TMEM132D: variants seen among roughly 807,000 people sequenced by gnomAD.
The protein encoded by TMEM132D is mature OL transmembrane protein.
In TMEM132D, 21 loss-of-function variants were observed where a neutral mutation model predicts 62.3. That is an observed-to-expected ratio of 0.34 (90% CI 0.24 to 0.49). The LOEUF (loss-of-function observed/expected upper bound fraction) is 0.49. Among genes scored for constraint, TMEM132D ranks in the 20% least tolerant of loss-of-function variants. The pLI is 0.99. For missense variants in TMEM132D, 1,346 were observed against 1,402.8 expected, an observed-to-expected ratio of 0.96 and a Z score of 0.65; for synonymous variants, 621 against 575.6, an observed-to-expected ratio of 1.08 and a Z score of -1.13.
intron 3 of TMEM132D, among the ~76,000 whole-genome samples, chr12:129,493,802 T>G (rs1367441356): frequency 6.6e-6 from 1 of 152,208 alleles, no homozygotes. Context: ...CTTCAGAGCA[T>G]GAATTCTTCA....
chr12:129,826,381 T>G (rs1872665550), intron 1 of TMEM132D, among the ~76,000 whole-genome samples: 1 of 152,184 alleles, frequency 6.6e-6, no homozygotes, highest in African/African-American at 2.4e-5. Flanking sequence ...ACATAGCTGA[T>G]TTCTTGACAG....
intron 1 of TMEM132D, among the ~76,000 whole-genome samples, chr12:129,838,672 C>A (rs1037662857): frequency 6.6e-6 from 1 of 152,122 alleles, no homozygotes; most frequent in African/African-American, 2.4e-5. Flanking sequence ...AATACCCTAA[C>A]ATTGAAAAAT....
intron 3 of TMEM132D, among the ~76,000 whole-genome samples, chr12:129,355,777 C>G (rs1393297455): frequency 6.6e-6 from 1 of 152,166 alleles, no homozygotes; most frequent in Admixed American, 6.5e-5. Context: ...CTGCAACTTT[C>G]CTTGATGACT....
chr12:129,600,539 G>A (rs190653121), intron 2 of TMEM132D, among the ~76,000 whole-genome samples: 1 of 152,192 alleles, frequency 6.6e-6, no homozygotes, highest in Non-Finnish European at 1.5e-5. Context: ...AAATCCATCA[G>A]AGGAATCACT....
intron 1 of TMEM132D, among the ~76,000 whole-genome samples, chr12:129,876,530 C>T (rs1874421534): frequency 6.6e-6 from 1 of 152,192 alleles, no homozygotes; most frequent in Admixed American, 6.5e-5. Context: ...GTAGCATAAA[C>T]CCAAGACCAA....
At chr12:129,281,581 A>G (rs927344825) in intron 4 of TMEM132D, among the ~76,000 whole-genome samples, 1 of 151,974 alleles carries the variant, frequency 6.6e-6, no homozygotes, top group African/African-American at 2.4e-5. Flanking sequence ...TGGTTAATCT[A>G]CATCATAAAC....
chr12:129,765,722 T>G (rs1361621528), intron 1 of TMEM132D, among the ~76,000 whole-genome samples: 1 of 152,230 alleles, frequency 6.6e-6, no homozygotes, highest in East Asian at 1.9e-4. Flanking sequence ...TCTATACTTG[T>G]ACCTGTTCTT....
intron 3 of TMEM132D, among the ~76,000 whole-genome samples, chr12:129,374,197 C>T (rs1410923022): frequency 6.6e-6 from 1 of 151,318 alleles, no homozygotes; most frequent in African/African-American, 2.4e-5. Context: ...GATCAGGGTG[C>T]TAGCATGGTC....
chr12:129,828,714 G>A (rs1216571010), intron 1 of TMEM132D, among the ~76,000 whole-genome samples: 4 of 16,246 alleles, frequency 2.5e-4, no homozygotes, highest in African/African-American at 5.8e-4. Context: ...GGAGAAGGAA[G>A]GGAGGAAAGG....
At chr12:129,752,605 A>G (rs1291344060) in intron 1 of TMEM132D, among the ~76,000 whole-genome samples, 2 of 152,222 alleles carry the variant, frequency 1.3e-5, no homozygotes, top group Non-Finnish European at 2.9e-5. Context: ...GTCTAGCCGC[A>G]TGCAAGAGCA....
intron 2 of TMEM132D, among the ~76,000 whole-genome samples, chr12:129,674,176 G>A (rs943362539): frequency 3.3e-5 from 5 of 152,198 alleles, no homozygotes; most frequent in Non-Finnish European, 7.3e-5. Context: ...GGGGCATCAG[G>A]TGCTAATTCC....
At chr12:129,138,166 A>T (rs531625342) in intron 5 of TMEM132D, among the ~76,000 whole-genome samples, 1 of 152,278 alleles carries the variant, frequency 6.6e-6, no homozygotes, top group East Asian at 1.9e-4. Flanking sequence ...TCACCTTACC[A>T]TTGCCTTGCA....
intron 7 of TMEM132D, among the ~76,000 whole-genome samples, chr12:129,079,948 C>T (rs1044033641): frequency 1.3e-5 from 2 of 152,162 alleles, no homozygotes; most frequent in Non-Finnish European, 1.5e-5. Context: ...GGTTTCAGAA[C>T]GGTATGGCTT....
intron 7 of TMEM132D, among the ~76,000 whole-genome samples, chr12:129,080,766 C>T (rs1480985590): frequency 6.6e-6 from 1 of 152,190 alleles, no homozygotes; most frequent in Non-Finnish European, 1.5e-5. Flanking sequence ...GCACTTGCAC[C>T]CCTTACATGT....
At chr12:129,082,977 G>A (rs141201639) in intron 6 of TMEM132D, among the ~76,000 whole-genome samples, 1,570 of 151,982 alleles carry the variant, frequency 0.01, 16 homozygotes, top group Non-Finnish European at 0.018. Context: ...TGCCTGCCTC[G>A]GCCTCCCAAA....
At chr12:129,252,490 T>C (rs184511265) in intron 4 of TMEM132D, among the ~76,000 whole-genome samples, 9 of 152,302 alleles carry the variant, frequency 5.9e-5, no homozygotes, top group Admixed American at 5.9e-4. Flanking sequence ...GACCCAGAAT[T>C]GTCTCTCAGA....
At chr12:129,358,808 G>A (rs74620714) in intron 3 of TMEM132D, among the ~76,000 whole-genome samples, 3,411 of 152,228 alleles carry the variant, frequency 0.022, 79 homozygotes, top group Admixed American at 0.063. Context: ...CCAGGGAGAA[G>A]GAACTGCAGG....
In TMEM132D at chr12:129,356,836, G is replaced by C. The variant is rs181841224; in HGVS notation, c.1116-19019C>G. Among the ~76,000 whole-genome samples, 1,074 of 150,868 alleles carry C rather than the reference G, an allele frequency of 7.1e-3. 19 individuals carry two copies. Among genetic ancestry groups the C allele is most frequent in the African/African-American group, 0.025 (1,027 of 40,998 alleles). On this transcript the variant is annotated intron_variant, in intron 3 of 8. Transcript: ENST00000422113. ...GCTGAGATTGTGCCACTGCACTCCA[G>C]CCTGGGTGAAAGAGTGAGACAAAGA...
At chr12:129,176,879 G>A (rs933879479) in intron 5 of TMEM132D, among the ~76,000 whole-genome samples, 4 of 152,214 alleles carry the variant, frequency 2.6e-5, no homozygotes, top group African/African-American at 7.2e-5. Flanking sequence ...TGCCAGGCAC[G>A]GAGGTGTATT....
Sources: gnomAD v4.1 joint callset for allele counts (sites outside exome capture counted in the v4.1 genomes callset) on GRCh38, gnomAD v4.1.1 for gene constraint, MANE v1.5 for transcripts, NCBI Gene and HGNC (gene_info 2026-07-23, HGNC 2026-07-21) for gene names.